Variants in RAB28 observed in about 807,000 individuals in gnomAD.
RAB28 encodes the protein RAB28, member RAS oncogene family.
In RAB28, 24 loss-of-function variants were observed where a neutral mutation model predicts 31.7. The observed-to-expected ratio is 0.76, with a 90% confidence interval of 0.55 to 1.06. The LOEUF (loss-of-function observed/expected upper bound fraction) is 1.06, where lower values mean the gene tolerates loss of function less well. Ranked by LOEUF, RAB28 falls within the 50% of genes least tolerant of loss-of-function variation. The pLI, the probability that RAB28 is intolerant of heterozygous loss-of-function variation, is 0.00. For missense variants in RAB28, 254 were observed against 258.5 expected (o/e 0.98, Z 0.12); for synonymous variants, 100 against 90.4 (o/e 1.11, Z -0.60).
chr4:13,474,659 A>C (rs1020823014), intron 2 of RAB28, among the ~76,000 whole-genome samples: 1 of 151,606 alleles, frequency 6.6e-6, no homozygotes, highest in Admixed American at 6.6e-5. Flanking sequence ...AAACAAAAGA[A>C]AATAAAGTAA....
At chr4:13,473,795 T>A (rs1350406160) in intron 3 of RAB28, 2 of 356,424 alleles carry the variant, frequency 5.6e-6, no homozygotes, top group South Asian at 2.1e-5. Context: ...AGCATTATCA[T>A]AGTAAATTAT....
intron 4 of RAB28, among the ~76,000 whole-genome samples, chr4:13,415,730 G>A (rs909821385): frequency 2.4e-4 from 36 of 152,046 alleles, no homozygotes; most frequent in African/African-American, 7.2e-4. Context: ...GCTCTACGGC[G>A]CCCGGTCCCA....
At chr4:13,470,756 T>A (rs1219441481) in intron 3 of RAB28, among the ~76,000 whole-genome samples, 1 of 152,116 alleles carries the variant, frequency 6.6e-6, no homozygotes, top group Non-Finnish European at 1.5e-5. Context: ...AATTTTTAAG[T>A]TAATTTAAAA....
At chr4:13,471,490 T>C (rs889792724) in intron 3 of RAB28, among the ~76,000 whole-genome samples, 1 of 151,994 alleles carries the variant, frequency 6.6e-6, no homozygotes, top group African/African-American at 2.4e-5. Flanking sequence ...AAAAAGTTAT[T>C]ATATTATCAT....
In RAB28 at chr4:13,477,442, T is replaced by C. The variant is rs527558472; in HGVS notation, c.172+1988A>G. Among the ~76,000 whole-genome samples the C allele has an allele frequency of 4.0e-5, 6 of 151,752 alleles. No homozygotes were observed. The East Asian group carries it at 1.2e-3, about 29-fold the overall frequency. ...TACCTGTAATGTTTTATTCAGCTAATGATACATTAATCATCCTACATGTGA... is the reference window on the plus strand; with the variant it reads ...TACCTGTAATGTTTTATTCAGCTAACGATACATTAATCATCCTACATGTGA... On this transcript the variant is annotated intron_variant, in intron 2 of 6. Transcript: ENST00000330852.
chr4:13,457,949 G>A (rs1053582559), intron 4 of RAB28, among the ~76,000 whole-genome samples: 1 of 152,200 alleles, frequency 6.6e-6, no homozygotes, highest in African/African-American at 2.4e-5. Context: ...ATAAGGTAAT[G>A]CAAAACCTCC....
At chr4:13,410,302 G>A (rs1396837809) in intron 4 of RAB28, among the ~76,000 whole-genome samples, 2 of 152,110 alleles carry the variant, frequency 1.3e-5, no homozygotes, top group Non-Finnish European at 2.9e-5. Flanking sequence ...GCTGGATAGA[G>A]CAGTAAAATC....
chr4:13,436,351 G>C (rs1342432758), intron 4 of RAB28, among the ~76,000 whole-genome samples: 3 of 152,098 alleles, frequency 2.0e-5, no homozygotes, highest in Non-Finnish European at 4.4e-5. Flanking sequence ...GGAAGTCCTA[G>C]CCAGAGCAAT....
intron 4 of RAB28, among the ~76,000 whole-genome samples, chr4:13,416,661 T>C (rs1430389925): frequency 2.6e-5 from 4 of 152,188 alleles, no homozygotes; most frequent in Admixed American, 2.6e-4. Context: ...GAAGACTGAA[T>C]GCAAACTTTC....
At chr4:13,444,152 C>A (rs1300754588) in intron 4 of RAB28, among the ~76,000 whole-genome samples, 2 of 151,950 alleles carry the variant, frequency 1.3e-5, no homozygotes, top group East Asian at 3.9e-4. Flanking sequence ...CTCAGCCTCC[C>A]GAGTAGCTGG....
At chr4:13,384,398 A>G (rs941834228) in intron 4 of RAB28, among the ~76,000 whole-genome samples, 1 of 152,198 alleles carries the variant, frequency 6.6e-6, no homozygotes, top group Admixed American at 6.5e-5. Context: ...TGCTGCTAGC[A>G]CATGCAAACA....
At chr4:13,453,262 T>G (rs189260724) in intron 4 of RAB28, among the ~76,000 whole-genome samples, 1 of 152,308 alleles carries the variant, frequency 6.6e-6, no homozygotes. Context: ...GTAATTAGTT[T>G]AAATTCAAAA....
chr4:13,466,487 A>G (rs540484121), intron 3 of RAB28, among the ~76,000 whole-genome samples: 1 of 152,008 alleles, frequency 6.6e-6, no homozygotes, highest in South Asian at 2.1e-4. Context: ...ATTAAAAGCA[A>G]AATAAATTAC....
At chr4:13,415,777 C>G (rs1358926137) in intron 4 of RAB28, among the ~76,000 whole-genome samples, 1 of 152,218 alleles carries the variant, frequency 6.6e-6, no homozygotes, top group African/African-American at 2.4e-5. Context: ...GGGCGCACGG[C>G]ATGGGACTGG....
intron 4 of RAB28, among the ~76,000 whole-genome samples, chr4:13,382,400 C>T (rs1389083717): frequency 6.6e-6 from 1 of 151,640 alleles, no homozygotes; most frequent in Non-Finnish European, 1.5e-5. Flanking sequence ...GATTTAAGGA[C>T]AACTAGGCTC....
chr4:13,483,730 G>A (rs1340137800), intron 1 of RAB28, among the ~76,000 whole-genome samples: 3 of 152,230 alleles, frequency 2.0e-5, no homozygotes, highest in Non-Finnish European at 4.4e-5. Flanking sequence ...GGGAGGGGAG[G>A]AGTAAGTGTG....
intron 4 of RAB28, among the ~76,000 whole-genome samples, chr4:13,406,710 G>A (rs9685182): frequency 0.056 from 8,510 of 152,196 alleles, 537 homozygotes; most frequent in African/African-American, 0.16. Flanking sequence ...GGCATGAGAT[G>A]GTATCTCATT....
chr4:13,461,137 T>C (rs1045697338), intron 3 of RAB28, among the ~76,000 whole-genome samples: 4 of 152,140 alleles, frequency 2.6e-5, no homozygotes, highest in Admixed American at 1.3e-4. Context: ...GAAAATCATA[T>C]CAAAGAAGTA....
chr4:13,394,971 C>A (rs954434900), intron 4 of RAB28, among the ~76,000 whole-genome samples: 1 of 152,110 alleles, frequency 6.6e-6, no homozygotes, highest in Non-Finnish European at 1.5e-5. Context: ...CACACACACA[C>A]AAAAACTGAG....
Sources: gnomAD v4.1 joint callset for allele counts (sites outside exome capture counted in the v4.1 genomes callset) on GRCh38, gnomAD v4.1.1 for gene constraint, MANE v1.5 for transcripts, NCBI Gene and HGNC (gene_info 2026-07-23, HGNC 2026-07-21) for gene names.